Variants in PTPRM observed in about 807,000 individuals in gnomAD.
The protein encoded by PTPRM is protein tyrosine phosphatase receptor type M.
PTPRM carries 47 observed loss-of-function variants against 186.7 expected under a neutral mutation model. That is an observed-to-expected ratio of 0.25 (90% CI 0.20 to 0.32). The LOEUF (loss-of-function observed/expected upper bound fraction) is 0.32, where lower values mean the gene tolerates loss of function less well. PTPRM is among the 10% of genes least tolerant of loss of function. PTPRM has a pLI of 1.00. For missense variants in PTPRM, 1,494 were observed against 1,865.0 expected (o/e 0.80, Z 3.66); for synonymous variants, 668 against 674.9 (o/e 0.99, Z 0.16).
rs1244161254 is a variant in PTPRM at position 7,871,245 on chromosome 18, G to A, written c.197-16861G>A. Among the ~76,000 whole-genome samples, 5 of 152,240 alleles carry A rather than the reference G, an allele frequency of 3.3e-5. No individual in the cohort carries two copies. The East Asian group carries it at 5.8e-4, about 18-fold the overall frequency. On this transcript the variant is annotated intron_variant, in intron 2 of 32. Transcript: ENST00000580170. ...CAATGAATGAAGTGAATGAAGTTTG[G>A]ACAGTGAATAAAGTATCTTCCTCTA...
intron 19 of PTPRM, among the ~76,000 whole-genome samples, chr18:8,277,317 A>G (rs2094848087): frequency 6.6e-6 from 1 of 152,202 alleles, no homozygotes; most frequent in Admixed American, 6.5e-5. Context: ...TAGGATTTTC[A>G]TCATGTAAAG....
At chr18:7,731,855 C>T (rs2144404803) in intron 1 of PTPRM, among the ~76,000 whole-genome samples, 1 of 152,290 alleles carries the variant, frequency 6.6e-6, no homozygotes, top group East Asian at 1.9e-4. Context: ...TTTCTCCAAC[C>T]TACTAACATT....
At chr18:7,861,219 C>T (rs1367698249) in intron 2 of PTPRM, among the ~76,000 whole-genome samples, 1 of 152,144 alleles carries the variant, frequency 6.6e-6, no homozygotes, top group Non-Finnish European at 1.5e-5. Flanking sequence ...TTCAACCTTT[C>T]TTGCCTTCCC....
chr18:8,132,260 T>C (rs2092530153), intron 13 of PTPRM, among the ~76,000 whole-genome samples: 2 of 152,176 alleles, frequency 1.3e-5, no homozygotes, highest in Admixed American at 6.5e-5. Flanking sequence ...ATTCAGTGGG[T>C]TCTCCTTATA....
At chr18:7,658,359 T>TATAC (rs1491198247) in intron 1 of PTPRM, among the ~76,000 whole-genome samples, 4 of 136,682 alleles carry the variant, frequency 2.9e-5, no homozygotes, top group South Asian at 2.4e-4. Flanking sequence ...TATATATATA[T>TATAC]ACATACACAC....
chr18:8,024,073 G>A (rs748903998), intron 7 of PTPRM, among the ~76,000 whole-genome samples: 4 of 152,104 alleles, frequency 2.6e-5, no homozygotes, highest in Non-Finnish European at 4.4e-5. Flanking sequence ...CAGAAAACAC[G>A]GAAGGTGCTA....
At chr18:7,582,802 C>T (rs887362351) in intron 1 of PTPRM, among the ~76,000 whole-genome samples, 1 of 152,186 alleles carries the variant, frequency 6.6e-6, no homozygotes, top group African/African-American at 2.4e-5. Context: ...TAGGGTCAAT[C>T]GGTGGCATTC....
intron 7 of PTPRM, among the ~76,000 whole-genome samples, chr18:8,045,250 A>G (rs2086965663): frequency 1.3e-5 from 2 of 152,186 alleles, no homozygotes; most frequent in Non-Finnish European, 2.9e-5. Context: ...CAAAAGGCCA[A>G]GGTGGGAGGA....
intron 4 of PTPRM, among the ~76,000 whole-genome samples, chr18:7,911,256 G>A (rs1451596380): frequency 6.6e-6 from 1 of 152,146 alleles, no homozygotes; most frequent in African/African-American, 2.4e-5. Flanking sequence ...AGTTCTCTTG[G>A]GTATCATGCT....
chr18:8,148,122 G>T (rs759691222), intron 14 of PTPRM, among the ~76,000 whole-genome samples: 2 of 152,072 alleles, frequency 1.3e-5, no homozygotes, highest in Non-Finnish European at 2.9e-5. Flanking sequence ...TGTTGTTGTT[G>T]TCTCTGCCAG....
intron 22 of PTPRM, among the ~76,000 whole-genome samples, chr18:8,340,678 C>T (rs1437711963): frequency 1.7e-4 from 26 of 152,116 alleles, no homozygotes; most frequent in Non-Finnish European, 4.4e-5. Flanking sequence ...TTAGACTAGT[C>T]AGGAGATTCA....
chr18:8,404,541 G>A (rs938755068), intron 32 of PTPRM: 1 of 152,218 alleles, frequency 6.6e-6, no homozygotes, highest in Non-Finnish European at 1.5e-5. Flanking sequence ...AAATAGGTTG[G>A]ACTACTAGGG....
At chr18:7,669,198 T>C (rs900840829) in intron 1 of PTPRM, among the ~76,000 whole-genome samples, 1 of 151,872 alleles carries the variant, frequency 6.6e-6, no homozygotes, top group Non-Finnish European at 1.5e-5. Flanking sequence ...TTCGGAGGCT[T>C]AGGGGAGAAT....
chr18:8,263,040 A>C (rs1053433545), intron 19 of PTPRM, among the ~76,000 whole-genome samples: 11 of 152,186 alleles, frequency 7.2e-5, no homozygotes, highest in Admixed American at 6.5e-4. Flanking sequence ...TCACCTAAAA[A>C]TGGAAAGCAT....
chr18:8,336,007 G>C (rs2095437057), intron 22 of PTPRM, among the ~76,000 whole-genome samples: 1 of 150,418 alleles, frequency 6.6e-6, no homozygotes, highest in Non-Finnish European at 1.5e-5. Flanking sequence ...GGGTGACAGA[G>C]AGAGACTCTG....
intron 1 of PTPRM, among the ~76,000 whole-genome samples, chr18:7,772,349 CTCTTTCTTTCTTTCTTTCTT>C (rs71935994): frequency 0.096 from 9,166 of 95,976 alleles, 622 homozygotes; most frequent in East Asian, 0.2. Context: ...TTCTTTCTTT[CTCTTTCTTTCTTTCTTTCTT>C]TCTTTCTTTC....
intron 7 of PTPRM, among the ~76,000 whole-genome samples, chr18:7,993,025 CATT>C (rs2083343072): frequency 1.3e-5 from 2 of 151,628 alleles, no homozygotes; most frequent in African/African-American, 4.8e-5. Context: ...ATTAAAAAAA[CATT>C]AATGACATAT....
chr18:7,613,341 T>C (rs28558612), intron 1 of PTPRM, among the ~76,000 whole-genome samples: 54,834 of 152,078 alleles, frequency 0.36, 15,113 homozygotes, highest in African/African-American at 0.73. Flanking sequence ...ATACAGTAGA[T>C]GCTCAATAAT....
At chr18:7,649,700 G>C (rs1470752975) in intron 1 of PTPRM, among the ~76,000 whole-genome samples, 1 of 151,888 alleles carries the variant, frequency 6.6e-6, no homozygotes, top group Non-Finnish European at 1.5e-5. Context: ...ATTCCAGCCT[G>C]GGCAACAGAG....
Sources: gnomAD v4.1 joint callset for allele counts (sites outside exome capture counted in the v4.1 genomes callset) on GRCh38, gnomAD v4.1.1 for gene constraint, MANE v1.5 for transcripts, NCBI Gene and HGNC (gene_info 2026-07-23, HGNC 2026-07-21) for gene names.